The following PRKAR1A variants were observed in gnomAD, a reference collection of about 807,000 sequenced individuals.
PRKAR1A encodes protein kinase cAMP-dependent type I regulatory subunit alpha, also known as cAMP-dependent protein kinase type I-alpha regulatory subunit.
PRKAR1A carries 3 observed loss-of-function variants against 52.0 expected under a neutral mutation model. The observed-to-expected ratio is 0.06, with a 90% confidence interval of 0.03 to 0.15. PRKAR1A has a LOEUF of 0.15. Ranked by LOEUF, PRKAR1A falls within the 10% of genes least tolerant of loss-of-function variation. The pLI is 1.00. For missense variants in PRKAR1A, 240 were observed against 477.4 expected (o/e 0.50, Z 4.63); for synonymous variants, 188 against 168.4 (o/e 1.12, Z -0.90).
the PRKAR1A span, among the ~76,000 whole-genome samples, chr17:68,495,967 C>A: frequency 2.3e-5 from 1 of 44,116 alleles, no homozygotes; most frequent in Admixed American, 2.8e-4. Flanking sequence ...CTCCTCTCTC[C>A]TCTCCTCTCT....
At chr17:68,514,682 A>G (rs545684668) in intron 1 of PRKAR1A, 3 of 152,230 alleles carry the variant, frequency 2.0e-5, no homozygotes, top group Non-Finnish European at 4.4e-5. Context: ...TTTTCTGTCC[A>G]AATGTTTTAC....
the PRKAR1A span, among the ~76,000 whole-genome samples, chr17:68,452,165 T>C: frequency 2.0e-5 from 3 of 152,366 alleles, no homozygotes; most frequent in Non-Finnish European, 2.9e-5. Flanking sequence ...TTCAACATCA[T>C]TGACATGGGC....
chr17:68,501,687 G>T, the PRKAR1A span, among the ~76,000 whole-genome samples: 1 of 152,084 alleles, frequency 6.6e-6, no homozygotes, highest in South Asian at 2.1e-4. Flanking sequence ...CAAACTCCTG[G>T]CCTCAAGTGA....
the PRKAR1A span, among the ~76,000 whole-genome samples, chr17:68,437,595 C>G: frequency 2.6e-5 from 4 of 151,384 alleles, no homozygotes; most frequent in Non-Finnish European, 5.9e-5. Context: ...GAGCCAAATG[C>G]CCTGCCTTGA....
chr17:68,541,188 TG>T lies in PRKAR1A; in HGVS notation c.974-9893del. The T allele has an allele frequency of 1.5e-5, 8 of 543,078 alleles. No individual in the cohort carries two copies. The South Asian group carries it at 1.6e-4, about 11-fold the overall frequency. 33.6% of individuals were successfully genotyped at this position (543,078 alleles called of 1,614,324 possible). A position where few individuals can be genotyped will look rare whatever the true frequency, so the allele number is the denominator to read the frequency against. ...GTCTGGTGGACACTAAACCCATGGT[TG>T]GGATACTGTGTGCCAGAGGGGAGAG... On this transcript the variant is annotated intron_variant, in intron 11 of 11. Transcript: ENST00000585981.
the PRKAR1A span, among the ~76,000 whole-genome samples, chr17:68,465,625 A>ATTT: frequency 0.011 from 757 of 67,012 alleles, 10 homozygotes; most frequent in East Asian, 0.019. Context: ...ACGCCCAGCA[A>ATTT]TTTTTTTTTT....
At chr17:68,476,096 T>A in the PRKAR1A span, among the ~76,000 whole-genome samples, 24 of 152,084 alleles carry the variant, frequency 1.6e-4, no homozygotes, top group African/African-American at 5.8e-4. Context: ...ATGCACTAAT[T>A]GTTGAGTGCC....
intron 7 of PRKAR1A, among the ~76,000 whole-genome samples, chr17:68,526,715 A>G (rs758788420): frequency 5.9e-5 from 9 of 152,194 alleles, no homozygotes; most frequent in African/African-American, 9.7e-5. Flanking sequence ...GAGCTAAGCA[A>G]TGAGAACACG....
chr17:68,533,403 G>A lies in PRKAR1A; in HGVS notation c.*2954G>A. 2 of 1,059,778 alleles carry A rather than the reference G, an allele frequency of 1.9e-6. No individual in the cohort carries two copies. The highest frequency in any genetic ancestry group is 2.3e-6 in the Non-Finnish European group (2 of 875,768). The allele number at this position is 1,059,778 out of a possible 1,614,324, so 65.6% of individuals were successfully genotyped here. On this transcript the variant is annotated 3_prime_UTR_variant, in exon 11 of 11. Coordinates refer to ENST00000589228, the MANE Select transcript of PRKAR1A (RefSeq NM_002734.5). ...CGTCCTCTGGAGTATGAAACCTTTA[G>A]AGTCACAATAAAATGTAACTAAAGA...
the PRKAR1A span, chr17:68,422,004 A>C: frequency 1.5e-6 from 1 of 657,224 alleles, no homozygotes; most frequent in East Asian, 2.7e-5. Flanking sequence ...GTAGACAAGT[A>C]TGACACAGTT....
At chr17:68,475,966 G>A in the PRKAR1A span, among the ~76,000 whole-genome samples, 4 of 152,038 alleles carry the variant, frequency 2.6e-5, no homozygotes, top group South Asian at 8.3e-4. Context: ...GCAATGTGAT[G>A]TTGATTTTTT....
intron 2 of PRKAR1A, among the ~76,000 whole-genome samples, chr17:68,516,093 A>G (rs192484294): frequency 1.3e-5 from 2 of 152,306 alleles, no homozygotes; most frequent in Non-Finnish European, 2.9e-5. Flanking sequence ...AAATTACTGT[A>G]GAGATATTGA....
At chr17:68,466,356 A>G in the PRKAR1A span, among the ~76,000 whole-genome samples, 5 of 144,802 alleles carry the variant, frequency 3.5e-5, no homozygotes, top group South Asian at 2.2e-4. Flanking sequence ...GTTTCTTCCC[A>G]CCAGTACACA....
rs1385527507 is a variant in PRKAR1A, at chr17:68,543,647, G to A, written c.974-7437G>A. On this transcript the variant is annotated intron_variant, in intron 11 of 11. Coordinates refer to the PRKAR1A transcript ENST00000585981. ...ACCCTACCTGTCCAGATGGAAAGCT[G>A]CGATCTCAGCATTGTGTCTCTGAAA... is the stretch of plus-strand genomic sequence containing the variant. 1 of 1,614,110 alleles carries A rather than the reference G, an allele frequency of 6.2e-7. No individual in the cohort carries two copies. Among genetic ancestry groups the A allele is most frequent in the Non-Finnish European group, 8.5e-7 (1 of 1,180,004 alleles).
the PRKAR1A span, chr17:68,426,254 G>GGGGCCCC: frequency 1.2e-6 from 1 of 816,920 alleles, no homozygotes; most frequent in Non-Finnish European, 1.9e-6. Flanking sequence ...GGGAGCGGGG[G>GGGGCCCC]CTCAAATAAA....
the PRKAR1A span, among the ~76,000 whole-genome samples, chr17:68,415,828 T>C: frequency 4.6e-5 from 7 of 152,232 alleles, no homozygotes; most frequent in African/African-American, 1.7e-4. Flanking sequence ...TGATATAAGA[T>C]AGCTACCCCT....
At chr17:68,490,840 G>A in the PRKAR1A span, among the ~76,000 whole-genome samples, 13 of 152,178 alleles carry the variant, frequency 8.5e-5, no homozygotes, top group African/African-American at 2.4e-4. Context: ...CACATTACCC[G>A]CTTGAGAACA....
At chr17:68,494,039 G>A in the PRKAR1A span, among the ~76,000 whole-genome samples, 1 of 152,000 alleles carries the variant, frequency 6.6e-6, no homozygotes, top group Admixed American at 6.6e-5. Context: ...TAGGTGGGAG[G>A]ATTATGGATG....
chr17:68,444,726 AT>A, the PRKAR1A span: 1 of 641,142 alleles, frequency 1.6e-6, no homozygotes, highest in Non-Finnish European at 2.6e-6. Flanking sequence ...CATTTTGAAG[AT>A]TGTGTTTATG....
Sources: gnomAD v4.1 joint callset for allele counts (sites outside exome capture counted in the v4.1 genomes callset) on GRCh38, gnomAD v4.1.1 for gene constraint, MANE v1.5 for transcripts, NCBI Gene and HGNC (gene_info 2026-07-23, HGNC 2026-07-21) for gene names.